SYNE2: variants seen among roughly 807,000 people sequenced by gnomAD.
The protein encoded by SYNE2 is spectrin repeat containing nuclear envelope protein 2.
SYNE2 carries 431 observed loss-of-function variants against 856.3 expected under a neutral mutation model. The ratio of observed to expected loss-of-function variants is 0.50; its 90% CI spans 0.47 to 0.55. The LOEUF (loss-of-function observed/expected upper bound fraction) is 0.55, where lower values mean the gene tolerates loss of function less well. Ranked by LOEUF, SYNE2 falls within the 20% of genes least tolerant of loss-of-function variation. The pLI, the probability that SYNE2 is intolerant of heterozygous loss-of-function variation, is 0.00. For synonymous variants in SYNE2, 2,923 were observed against 2,872.3 expected, an observed-to-expected ratio of 1.02 and a Z score of -0.56; for missense variants, 8,129 against 8,023.2, an observed-to-expected ratio of 1.01 and a Z score of -0.50.
rs372269550 is a variant in SYNE2 at position 63,776,492 on chromosome 14, TAGAA to T, written c.-305+14512_-305+14515del. Among the ~76,000 whole-genome samples the T allele has an allele frequency of 3.0e-4, 45 of 152,184 alleles. 1 individual carries two copies. Among genetic ancestry groups the T allele is most frequent in the African/African-American group, 1.1e-3 (44 of 41,548 alleles). Reference sequence around the variant, plus strand: ...TTATAGATCCTTGGATGAATTCAAATAGAAAGAAATCAGAGGAGTATTTTACTGA... The same window carrying T: ...TTATAGATCCTTGGATGAATTCAAATAGAAATCAGAGGAGTATTTTACTGA... On this transcript the variant is annotated intron_variant, in intron 1 of 23. Transcript: ENST00000674003.
At chr14:64,033,558 T>C (rs1043081701) in intron 45 of SYNE2, among the ~76,000 whole-genome samples, 1 of 150,916 alleles carries the variant, frequency 6.6e-6, no homozygotes, top group Non-Finnish European at 1.5e-5. Flanking sequence ...TGGTGGCACA[T>C]GCCTATAGTC....
At chr14:63,966,618 G>GC (rs1352351612) in intron 10 of SYNE2, among the ~76,000 whole-genome samples, 3 of 150,520 alleles carry the variant, frequency 2.0e-5, no homozygotes, top group African/African-American at 7.3e-5. Context: ...TAGTGCAGTG[G>GC]CCCGATCACA....
chr14:64,153,629 T>C (rs1398038881), intron 85 of SYNE2, among the ~76,000 whole-genome samples: 1 of 152,216 alleles, frequency 6.6e-6, no homozygotes, highest in Non-Finnish European at 1.5e-5. Flanking sequence ...TTGTTAAGCA[T>C]ACATTGTGTG....
At chr14:63,851,805 G>A (rs1322847487), upstream of SYNE2, among the ~76,000 whole-genome samples, 1 of 151,778 alleles carries the variant, frequency 6.6e-6, no homozygotes, top group Non-Finnish European at 1.5e-5. Context: ...AGTTAAGGCC[G>A]GTTGCAGTGG....
chr14:64,092,741 C>T (rs1040154663), intron 60 of SYNE2, among the ~76,000 whole-genome samples: 4 of 152,076 alleles, frequency 2.6e-5, no homozygotes, highest in African/African-American at 9.7e-5. Flanking sequence ...TTTCCTGCTC[C>T]CCTAGCACTA....
Position 64,132,324 on chromosome 14 carries a change from A to G in SYNE2, c.14400A>G (p.Ile4800Met), listed in dbSNP as rs368522050. 2.7e-5 allele frequency: 44 copies of G among 1,614,058 alleles called. No individual in the cohort carries two copies. In the South Asian group the frequency reaches 2.7e-4, roughly 10 times the overall value. Reference sequence around the variant, plus strand: ...TGATCCAAGCATACTCTGCCAAAATACTTCCTTCTTTATTGCAAAACAGAG... The same window carrying G: ...TGATCCAAGCATACTCTGCCAAAATGCTTCCTTCTTTATTGCAAAACAGAG... ...MLLIQAYSAK[I>M]LPSLLQNRET... The change falls in exon 77 of 116, where the codon ATA becomes ATG. Residue 4800 changes from isoleucine to methionine, a missense_variant. Transcript: ENST00000555002.
At chr14:64,162,631 T>G (rs2098338098) in intron 88 of SYNE2, 1 of 341,630 alleles carries the variant, frequency 2.9e-6, no homozygotes. Flanking sequence ...ATCTCTTGTT[T>G]TAGCAGTAAT....
At chr14:64,152,998 C>T (rs2098256435) in intron 85 of SYNE2, among the ~76,000 whole-genome samples, 1 of 152,202 alleles carries the variant, frequency 6.6e-6, no homozygotes, top group South Asian at 2.1e-4. Flanking sequence ...TATCTCCATA[C>T]CCCAAACCCA....
intron 50 of SYNE2, among the ~76,000 whole-genome samples, chr14:64,063,841 C>T (rs1280524244): frequency 6.6e-6 from 1 of 152,148 alleles, no homozygotes; most frequent in Non-Finnish European, 1.5e-5. Context: ...CCTTTATCCA[C>T]AGGGGATATG....
intron 1 of SYNE2, among the ~76,000 whole-genome samples, chr14:63,809,451 C>G (rs1397456273): frequency 3.3e-5 from 5 of 152,068 alleles, no homozygotes; most frequent in African/African-American, 1.2e-4. Context: ...TCATTGTGGT[C>G]TATGATCCTA....
At chr14:63,826,708 CA>C (rs1224795539) in intron 1 of SYNE2, among the ~76,000 whole-genome samples, 6 of 151,924 alleles carry the variant, frequency 3.9e-5, no homozygotes, top group African/African-American at 1.5e-4. Flanking sequence ...AAAAATTAAC[CA>C]AAAACAGATA....
rs867030393 is a variant in SYNE2 at position 64,017,632 on chromosome 14, G to A, written c.4925G>A (p.Gly1642Asp). The A allele has an allele frequency of 2.5e-6, 4 of 1,613,264 alleles. No homozygotes were observed. The Middle Eastern group carries it at 5.0e-4, about 202-fold the overall frequency. The change falls in exon 34 of 116, where the codon GGT becomes GAT. Residue 1642 changes from glycine to aspartate, a missense_variant. Gly to Asp is a moderately conservative substitution (Grantham distance 94). Transcript: ENST00000555002. ...ACAGAAGATTACTATGAAAATCTTG[G>A]TCGAGCTCTAGCTTTGTGGGACAAA... ...EKTEDYYENL[G>D]RALALWDKLF...
chr14:64,060,576 C>G (rs1224294916), intron 49 of SYNE2, among the ~76,000 whole-genome samples: 1 of 152,090 alleles, frequency 6.6e-6, no homozygotes, highest in East Asian at 1.9e-4. Context: ...GAAGGGGTCT[C>G]TTTTGGAACT....
rs1555341093 is a variant in SYNE2, at chr14:63,814,789, C to CAT, written c.-304-37705_-304-37704dup. 3.4e-4 allele frequency among the ~76,000 whole-genome samples: 21 copies of CAT among 60,926 alleles called. No individual in the cohort carries two copies. The East Asian group carries it at 5.5e-3, about 16-fold the overall frequency. The allele number at this position is 60,926 out of a possible 152,430, so 40.0% of individuals were successfully genotyped here. On this transcript the variant is annotated intron_variant, in intron 1 of 23. Transcript: ENST00000674003. ...ATCCATATATATATCCATATATATC[C>CAT]ATATATATCCATATATATCCATATA...
At chr14:63,896,860 C>T (rs1466001520) in intron 1 of SYNE2, among the ~76,000 whole-genome samples, 1 of 152,160 alleles carries the variant, frequency 6.6e-6, no homozygotes, top group South Asian at 2.1e-4. Flanking sequence ...GAAGTCTGTC[C>T]TCCCAGTCCT....
chr14:64,014,487 C>T (rs1329235929), intron 32 of SYNE2, among the ~76,000 whole-genome samples: 3 of 152,134 alleles, frequency 2.0e-5, no homozygotes, highest in Non-Finnish European at 2.9e-5. Flanking sequence ...AGTGCCATGG[C>T]ACGATCTCGG....
rs201681637 is a variant in SYNE2 at position 64,125,117 on chromosome 14, G to A, written c.13461G>A (p.Met4487Ile). ...TNMGILPSVT[M>I]YNFRYPTTEE... ...TGGGTATTCTACCCAGCGTGACTATGTATAACTTTAGATACCCAACAACTG... is the reference window on the plus strand; with the variant it reads ...TGGGTATTCTACCCAGCGTGACTATATATAACTTTAGATACCCAACAACTG... The change falls in exon 71 of 116, where the codon ATG (methionine) becomes ATA (isoleucine). Residue 4487 changes from methionine (M) to isoleucine (I), a missense_variant. Transcript: ENST00000555002. The A allele has an allele frequency of 7.2e-5, 117 of 1,614,168 alleles. No homozygotes were observed. The East Asian group carries it at 1.6e-3, about 22-fold the overall frequency.
In SYNE2 at chr14:64,101,877, G is replaced by C. The variant is rs1360503086; in HGVS notation, c.12382-55G>C. 4.4e-6 allele frequency: 6 copies of C among 1,363,486 alleles called. No individual in the cohort carries two copies. In the African/African-American group the frequency reaches 8.6e-5, roughly 19 times the overall value. The allele number at this position is 1,363,486 out of a possible 1,614,324, so 84.5% of individuals were successfully genotyped here. A position where few individuals can be genotyped will look rare whatever the true frequency, so the allele number is the denominator to read the frequency against. On this transcript the variant is annotated intron_variant, in intron 63 of 115. Coordinates refer to ENST00000555002, the MANE Select transcript of SYNE2 (RefSeq NM_182914.3). ...AAAGACGTGAGTGAGTAGGGCACCG[G>C]TTATGACAGTAAGGGAAGCTCTTCC... is the stretch of plus-strand genomic sequence containing the variant.
chr14:63,850,466 CCTTA>C, upstream of SYNE2, among the ~76,000 whole-genome samples: 1 of 151,862 alleles, frequency 6.6e-6, no homozygotes, highest in Admixed American at 6.6e-5. Flanking sequence ...TCATGGCAAC[CCTTA>C]CTGTTTCCTA....
Sources: allele counts gnomAD v4.1 joint callset (sites outside exome capture counted in the v4.1 genomes callset), GRCh38; gene constraint gnomAD v4.1.1; transcripts MANE v1.5; gene names NCBI Gene and HGNC (gene_info 2026-07-23, HGNC 2026-07-21).